Variants in INSL6 observed in about 807,000 individuals in gnomAD.
The protein encoded by INSL6 is insulin-like peptide INSL6.
INSL6 carries 16 observed loss-of-function variants against 9.4 expected under a neutral mutation model. The ratio of observed to expected loss-of-function variants is 1.70; its 90% CI spans 1.15 to 2.59. The LOEUF is 2.59. INSL6 is among the 30% of genes most tolerant of loss of function. The pLI, the probability that INSL6 is intolerant of heterozygous loss-of-function variation, is 0.00. For synonymous variants in INSL6, 154 were observed against 96.9 expected (o/e 1.59, Z -3.46); for missense variants, 391 against 257.3 (o/e 1.52, Z -3.56).
the INSL6 span, among the ~76,000 whole-genome samples, chr9:5,049,581 G>A: frequency 1.3e-5 from 2 of 152,110 alleles, no homozygotes; most frequent in Admixed American, 6.5e-5. Context: ...CTTTTGTGTG[G>A]TGCTTCCTAT....
intron 2 of INSL6, among the ~76,000 whole-genome samples, chr9:5,134,565 A>G (rs1320482372): frequency 2.0e-5 from 3 of 152,238 alleles, no homozygotes; most frequent in Non-Finnish European, 2.9e-5. Flanking sequence ...TTTTCAACCC[A>G]GTATCTCATA....
At chr9:5,045,403 T>C in the INSL6 span, among the ~76,000 whole-genome samples, 1 of 152,168 alleles carries the variant, frequency 6.6e-6, no homozygotes. Context: ...TTTATTTTTA[T>C]TGTGGTAAGA....
intron 1 of INSL6, among the ~76,000 whole-genome samples, chr9:5,170,229 C>T (rs909443332): frequency 6.6e-6 from 1 of 152,110 alleles, no homozygotes; most frequent in African/African-American, 2.4e-5. Context: ...CATGGAAATT[C>T]AACAACCTGT....
the INSL6 span, among the ~76,000 whole-genome samples, chr9:5,056,315 T>G: frequency 6.6e-6 from 1 of 152,128 alleles, no homozygotes; most frequent in African/African-American, 2.4e-5. Context: ...TATTTTAATG[T>G]AAATAGGAGA....
chr9:5,004,069 T>C, the INSL6 span, among the ~76,000 whole-genome samples: 1 of 152,186 alleles, frequency 6.6e-6, no homozygotes, highest in Non-Finnish European at 1.5e-5. Context: ...TTGTTATATG[T>C]ATACATTGCA....
chr9:5,114,669 G>T, the INSL6 span: 1 of 441,836 alleles, frequency 2.3e-6, no homozygotes, highest in Non-Finnish European at 4.4e-6. Flanking sequence ...CAAGGGCTCT[G>T]GCGTCTTAGT....
At chr9:5,151,855 A>T (rs1265125900) in intron 2 of INSL6, among the ~76,000 whole-genome samples, 1 of 152,200 alleles carries the variant, frequency 6.6e-6, no homozygotes, top group Non-Finnish European at 1.5e-5. Flanking sequence ...TGTGAACTTG[A>T]TGAAAAAGCA....
chr9:5,113,433 A>T, the INSL6 span: 3 of 86,520 alleles, frequency 3.5e-5, no homozygotes, highest in African/African-American at 6.4e-5. Flanking sequence ...TTAAAAAAAA[A>T]AAAAAAAAAA....
At chr9:5,136,520 A>C (rs200571612) in intron 2 of INSL6, among the ~76,000 whole-genome samples, 1 of 152,138 alleles carries the variant, frequency 6.6e-6, no homozygotes, top group Non-Finnish European at 1.5e-5. Flanking sequence ...TGAGAAAAAC[A>C]ACATGATTAT....
intron 2 of INSL6, among the ~76,000 whole-genome samples, chr9:5,148,681 G>C (rs1824650047): frequency 6.6e-6 from 1 of 152,148 alleles, no homozygotes. Flanking sequence ...CAAGTGTCCA[G>C]CAGTTCCTGG....
chr9:5,058,990 T>G, the INSL6 span, among the ~76,000 whole-genome samples: 1 of 152,194 alleles, frequency 6.6e-6, no homozygotes, highest in Admixed American at 6.5e-5. Flanking sequence ...TGCTTTTCAC[T>G]ATGTTGCTTG....
chr9:4,993,880 A>G, the INSL6 span, among the ~76,000 whole-genome samples: 62 of 152,276 alleles, frequency 4.1e-4, no homozygotes, highest in African/African-American at 1.4e-3. Flanking sequence ...GGGTGCTCCA[A>G]TTTCCTCCCA....
the INSL6 span, among the ~76,000 whole-genome samples, chr9:5,103,770 A>G: frequency 6.6e-6 from 1 of 152,228 alleles, no homozygotes; most frequent in Non-Finnish European, 1.5e-5. Context: ...AACTCACTCA[A>G]AACCGCACAA....
At chr9:4,995,716 A>C in the INSL6 span, among the ~76,000 whole-genome samples, 2 of 152,366 alleles carry the variant, frequency 1.3e-5, no homozygotes, top group African/African-American at 4.8e-5. Flanking sequence ...CTTGAAAATA[A>C]AATGAATAAA....
At chr9:5,112,004 GCA>G in the INSL6 span, 1 of 382,408 alleles carries the variant, frequency 2.6e-6, no homozygotes, top group South Asian at 2.0e-5. Context: ...GAGGGACGTC[GCA>G]CTAGCCTGGA....
the INSL6 span, among the ~76,000 whole-genome samples, chr9:5,017,751 A>G: frequency 3.3e-4 from 51 of 152,326 alleles, no homozygotes; most frequent in South Asian, 9.5e-3. Context: ...CCAGTTGCAG[A>G]TGAACTTCAA....
At chr9:5,043,588 T>A in the INSL6 span, among the ~76,000 whole-genome samples, 1 of 152,360 alleles carries the variant, frequency 6.6e-6, no homozygotes, top group African/African-American at 2.4e-5. Flanking sequence ...TCAGCAATTC[T>A]ACTTCTAGAT....
At chr9:5,069,625 T>G in the INSL6 span, among the ~76,000 whole-genome samples, 1 of 152,100 alleles carries the variant, frequency 6.6e-6, no homozygotes, top group African/African-American at 2.4e-5. Context: ...CCTGAAAAAT[T>G]GTATGAGTTA....
At chr9:5,104,677 C>A in the INSL6 span, among the ~76,000 whole-genome samples, 5 of 152,168 alleles carry the variant, frequency 3.3e-5, no homozygotes, top group Non-Finnish European at 7.4e-5. Context: ...CTGGCAAACC[C>A]AATCCAGCAG....
Sources: gnomAD v4.1 joint callset for allele counts (sites outside exome capture counted in the v4.1 genomes callset) on GRCh38, gnomAD v4.1.1 for gene constraint, MANE v1.5 for transcripts, NCBI Gene and HGNC (gene_info 2026-07-23, HGNC 2026-07-21) for gene names.